XYLT1: variants seen among roughly 807,000 people sequenced by gnomAD.
XYLT1 encodes the protein beta-D-xylosyltransferase 1.
A neutral mutation model predicts 91.3 loss-of-function variants in XYLT1; 36 were observed. That is an observed-to-expected ratio of 0.39 (90% CI 0.30 to 0.52). XYLT1 has a LOEUF of 0.52. XYLT1 is among the 20% of genes least tolerant of loss of function. The pLI is 0.68. For missense variants in XYLT1, 1,242 were observed against 1,284.5 expected, an observed-to-expected ratio of 0.97 and a Z score of 0.51; for synonymous variants, 588 against 532.0, an observed-to-expected ratio of 1.11 and a Z score of -1.45.
chr16:17,138,162 T>G (rs2030821818), intron 8 of XYLT1, 193 bp downstream of exon 8: 4 of 435,498 alleles, frequency 9.2e-6, no homozygotes, highest in Non-Finnish European at 1.6e-5. Flanking sequence ...TGAGTCAATG[T>G]GGTTAGAACA....
chr16:17,287,646 C>T (rs931532535), intron 2 of XYLT1, among the ~76,000 whole-genome samples: 7 of 152,198 alleles, frequency 4.6e-5, no homozygotes, highest in Admixed American at 6.5e-5. Context: ...CCCTGGACTC[C>T]GTTCAGATGT....
chr16:17,263,663 T>C (rs1396970834), intron 2 of XYLT1, among the ~76,000 whole-genome samples: 1 of 152,074 alleles, frequency 6.6e-6, no homozygotes, highest in African/African-American at 2.4e-5. Flanking sequence ...TTTTCTATAG[T>C]GACTGCGGCG....
intron 6 of XYLT1, among the ~76,000 whole-genome samples, chr16:17,148,724 T>C: frequency 6.6e-6 from 1 of 152,228 alleles, no homozygotes; most frequent in East Asian, 1.9e-4. Flanking sequence ...ATGCAAGCTC[T>C]TAACTACTCT....
intron 2 of XYLT1, among the ~76,000 whole-genome samples, chr16:17,341,784 C>T (rs1029750482): frequency 1.3e-5 from 2 of 152,148 alleles, no homozygotes; most frequent in African/African-American, 4.8e-5. Context: ...CTGTAGGTCC[C>T]GTATGCTCTA....
intron 3 of XYLT1, among the ~76,000 whole-genome samples, chr16:17,247,533 G>A (rs1037860619): frequency 4.6e-5 from 7 of 152,182 alleles, no homozygotes; most frequent in Non-Finnish European, 8.8e-5. Context: ...ATGGATTAAT[G>A]AAAGTACACT....
chr16:17,207,722 G>C (rs1027690008), intron 3 of XYLT1, among the ~76,000 whole-genome samples: 2 of 152,152 alleles, frequency 1.3e-5, no homozygotes. Context: ...ATCAGTCAAC[G>C]GCCCAGACTG....
At chr16:17,295,027 G>A (rs1405405171) in intron 2 of XYLT1, among the ~76,000 whole-genome samples, 2 of 152,212 alleles carry the variant, frequency 1.3e-5, no homozygotes, top group African/African-American at 4.8e-5. Context: ...GAAGAGAGAA[G>A]TCAGTGGTTA....
chr16:17,187,356 T>C (rs1157880593), intron 5 of XYLT1, among the ~76,000 whole-genome samples: 1 of 135,408 alleles, frequency 7.4e-6, no homozygotes, highest in South Asian at 2.5e-4. Context: ...ATCACGCCAT[T>C]GCACTCCAGC....
At chr16:17,243,797 AAGTC>A (rs1324326283) in intron 3 of XYLT1, among the ~76,000 whole-genome samples, 2 of 152,070 alleles carry the variant, frequency 1.3e-5, no homozygotes, top group Non-Finnish European at 1.5e-5. Flanking sequence ...AGGGCTGAGA[AAGTC>A]AGAGGGGTGA....
At position 17,470,797 on chromosome 16, in the gene XYLT1, CT is replaced by C; in HGVS notation, c.-2del. On this transcript the variant is annotated 5_prime_UTR_variant, in exon 1 of 12. Transcript: ENST00000261381. ...TCCGGGCGCACGGCGCCGCCACCAT[CT>C]TCGGAGCGCGGCCGGCGAGCGAGGC... 1.0e-6 allele frequency: 1 copy of C among 985,976 alleles called. No homozygotes were observed. The highest frequency in any genetic ancestry group is 1.2e-6 in the Non-Finnish European group (1 of 838,030). The allele number at this position is 985,976 out of a possible 1,614,324, so 61.1% of individuals were successfully genotyped here. A position where few individuals can be genotyped will look rare whatever the true frequency, so the allele number is the denominator to read the frequency against.
chr16:17,357,201 G>GAAAAAA (rs2035313142), intron 2 of XYLT1, among the ~76,000 whole-genome samples: 1 of 73,886 alleles, frequency 1.4e-5, no homozygotes, highest in Admixed American at 1.4e-4. Context: ...AAAAAAAAAC[G>GAAAAAA]CTACCACTCA....
intron 11 of XYLT1, among the ~76,000 whole-genome samples, chr16:17,113,202 T>G (rs4278733): frequency 6.6e-6 from 1 of 151,436 alleles, no homozygotes; most frequent in East Asian, 2.0e-4. Flanking sequence ...AGTGCAGTGG[T>G]GTGATCTTGG....
intron 2 of XYLT1, among the ~76,000 whole-genome samples, chr16:17,339,315 A>G (rs2035032939): frequency 6.6e-6 from 1 of 152,228 alleles, no homozygotes. Context: ...TTATGAATAT[A>G]GGCAACAGAC....
rs2035699640 is a variant in XYLT1 at position 17,382,901 on chromosome 16, C to T, written c.364-24851G>A. 2.6e-5 allele frequency among the ~76,000 whole-genome samples: 4 copies of T among 151,866 alleles called. No homozygotes were observed. In the Admixed American group the frequency reaches 2.6e-4, roughly 10 times the overall value. ...GAAACTGAGGTACAGAGAAATGAAG[C>T]AACATACTCAAGGTCACAGTCACTG... On this transcript the variant is annotated intron_variant, in intron 1 of 11. Transcript: ENST00000261381.
Position 17,423,471 on chromosome 16 carries a change from G to A in XYLT1, c.363+46963C>T, listed in dbSNP as rs141367383. On this transcript the variant is annotated intron_variant, in intron 1 of 11. Transcript: ENST00000261381. ...GAGGGCTGAATACCAATCAGCCTGC[G>A]ATACAAAGGAGGGGCCCCCTGTCAT... Among the ~76,000 whole-genome samples, 5 of 152,244 alleles carry A rather than the reference G, an allele frequency of 3.3e-5. 1 individual carries two copies. Among genetic ancestry groups the A allele is most frequent in the South Asian group, 4.1e-4 (2 of 4,824 alleles).
At chr16:17,166,308 G>A (rs774429203) in intron 5 of XYLT1, among the ~76,000 whole-genome samples, 19 of 152,200 alleles carry the variant, frequency 1.2e-4, no homozygotes, top group Non-Finnish European at 2.5e-4. Flanking sequence ...TGCTTTTCAG[G>A]ACCATGGCTG....
At chr16:17,435,341 G>A (rs187554739) in intron 1 of XYLT1, among the ~76,000 whole-genome samples, 46 of 152,258 alleles carry the variant, frequency 3.0e-4, no homozygotes, top group African/African-American at 1.1e-3. Context: ...AAAGCTAAAG[G>A]AAAGCCATTT....
chr16:17,426,445 C>T (rs183995756), intron 1 of XYLT1, among the ~76,000 whole-genome samples: 168 of 152,168 alleles, frequency 1.1e-3, no homozygotes, highest in Non-Finnish European at 2.0e-3. Flanking sequence ...ACTCAGGAGG[C>T]TGAGGCATGA....
chr16:17,202,539 C>G (rs1041613916), intron 3 of XYLT1, among the ~76,000 whole-genome samples: 1 of 152,160 alleles, frequency 6.6e-6, no homozygotes, highest in African/African-American at 2.4e-5. Context: ...AGGACCTTCT[C>G]CCTGGCTTCT....
Sources: gnomAD v4.1 joint callset for allele counts (sites outside exome capture counted in the v4.1 genomes callset) on GRCh38, gnomAD v4.1.1 for gene constraint, MANE v1.5 for transcripts, NCBI Gene and HGNC (gene_info 2026-07-23, HGNC 2026-07-21) for gene names.